Variants in BBX observed in about 807,000 individuals in gnomAD.
BBX encodes the protein HMG box transcription factor BBX.
BBX carries 30 observed loss-of-function variants against 100.2 expected under a neutral mutation model. The observed-to-expected ratio is 0.30, with a 90% CI of 0.22 to 0.41. The LOEUF (loss-of-function observed/expected upper bound fraction) is 0.41. BBX is among the 10% of genes least tolerant of loss of function. The probability of loss-of-function intolerance (pLI) is 1.00; values close to 1 mark genes in which losing one functional copy is unlikely to be tolerated. For missense variants in BBX, 1,023 were observed against 1,129.8 expected (o/e 0.91, Z 1.35); for synonymous variants, 376 against 388.1 (o/e 0.97, Z 0.37).
chr3:107,801,109 G>A lies in BBX; in HGVS notation c.2566G>A (p.Glu856Lys). Residue 856 changes from glutamate (E) to lysine (K), a missense_variant, in exon 17 of 18, where the codon GAA (glutamate) becomes AAA (lysine). Transcript: ENST00000325805. Reference protein sequence around the residue: ...AGGTLDDKPKEQLQRSLPKAT... With the variant: ...AGGTLDDKPKKQLQRSLPKAT... ...TTTTGTTACAGATGACAAACCAAAG[G>A]AACAACTGCAGAGGAGTCTCCCTAA... The A allele has an allele frequency of 6.2e-7, 1 of 1,614,038 alleles. No homozygotes were observed. Among genetic ancestry groups the A allele is most frequent in the African/African-American group, 1.3e-5 (1 of 75,044 alleles).
chr3:107,783,128 C>G (rs1409217227), intron 13 of BBX, among the ~76,000 whole-genome samples: 1 of 151,860 alleles, frequency 6.6e-6, no homozygotes, highest in Non-Finnish European at 1.5e-5. Flanking sequence ...GACAAAATAC[C>G]CAACATATAC....
chr3:107,674,085 T>C (rs578143372), intron 3 of BBX, among the ~76,000 whole-genome samples: 9 of 152,300 alleles, frequency 5.9e-5, no homozygotes, highest in African/African-American at 2.2e-4. Context: ...ACACTTGTGA[T>C]GATACATTTT....
chr3:107,795,208 T>A (rs1003185657), intron 15 of BBX, among the ~76,000 whole-genome samples: 3 of 152,204 alleles, frequency 2.0e-5, no homozygotes, highest in Non-Finnish European at 2.9e-5. Context: ...ACTTTTTTCA[T>A]CTCATGTCCC....
intron 2 of BBX, chr3:107,638,412 C>G (rs914756554): frequency 5.3e-5 from 8 of 152,116 alleles, no homozygotes; most frequent in Non-Finnish European, 1.0e-4. Context: ...CCAAGGATAA[C>G]TGCTTTGTAA....
At chr3:107,573,156 C>A (rs191997165) in intron 2 of BBX, among the ~76,000 whole-genome samples, 2 of 152,250 alleles carry the variant, frequency 1.3e-5, no homozygotes, top group East Asian at 3.9e-4. Flanking sequence ...TAAAAAGAAT[C>A]AAACAAGCTA....
intron 10 of BBX, among the ~76,000 whole-genome samples, chr3:107,765,033 G>C (rs953461852): frequency 6.6e-6 from 1 of 152,140 alleles, no homozygotes; most frequent in East Asian, 1.9e-4. Flanking sequence ...AGGTCTTCCT[G>C]AATCTCATTT....
intron 3 of BBX, among the ~76,000 whole-genome samples, chr3:107,698,486 A>C (rs1009767148): frequency 6.6e-6 from 1 of 151,446 alleles, no homozygotes; most frequent in Non-Finnish European, 1.5e-5. Context: ...CCCCATCTCT[A>C]CTAAAAATAA....
At chr3:107,797,337 A>AATATATATAT (rs369837058) in intron 15 of BBX, among the ~76,000 whole-genome samples, 457 of 39,298 alleles carry the variant, frequency 0.012, 48 homozygotes, top group African/African-American at 0.022. Context: ...TTTTCTTCCA[A>AATATATATAT]ATATATATAT....
intron 2 of BBX, among the ~76,000 whole-genome samples, chr3:107,570,023 A>G (rs1399253636): frequency 6.6e-6 from 1 of 152,162 alleles, no homozygotes; most frequent in African/African-American, 2.4e-5. Flanking sequence ...GGGGTCCCGT[A>G]CAGATAGAAC....
chr3:107,635,489 A>G (rs575483355), intron 2 of BBX, among the ~76,000 whole-genome samples: 38 of 152,298 alleles, frequency 2.5e-4, no homozygotes, highest in African/African-American at 8.2e-4. Context: ...AGTTTTTAGT[A>G]TTTGTGTTGA....
In BBX at chr3:107,710,503, G is replaced by A. The variant is rs1462350534; in HGVS notation, c.43G>A (p.Glu15Lys). 2 of 1,613,832 alleles carry A rather than the reference G, an allele frequency of 1.2e-6. No homozygotes were observed. The highest frequency in any genetic ancestry group is 2.2e-5 in the South Asian group (2 of 91,064). ...AAATAAGGATCATTCAGCAGAAGGA[G>A]AAGGGGTTGGAAAACGACCAAAACG... ...NRNKDHSAEG[E>K]GVGKRPKRKC... is the part of the protein sequence containing the mutation. Residue 15 changes from glutamate (E) to lysine (K), a missense_variant, in exon 4 of 18, where the codon GAA becomes AAA. By Grantham distance (56) the Glu-to-Lys change is moderately conservative. Around this residue, in one of 9 missense-constraint regions of BBX, gnomAD observed 229 missense variants for 226.3 expected, o/e 1.01. Coordinates refer to ENST00000325805, the MANE Select transcript of BBX (RefSeq NM_001142568.3).
chr3:107,660,111 A>G (rs1218194557), intron 3 of BBX, among the ~76,000 whole-genome samples: 1 of 152,242 alleles, frequency 6.6e-6, no homozygotes, highest in African/African-American at 2.4e-5. Flanking sequence ...CTCTTTTATA[A>G]TTAGTAGAAA....
chr3:107,786,521 C>T (rs918481542), intron 13 of BBX, among the ~76,000 whole-genome samples: 8 of 152,056 alleles, frequency 5.3e-5, no homozygotes, highest in Admixed American at 1.3e-4. Context: ...TAATTTTCAA[C>T]AAGGGTGCCA....
At chr3:107,732,229 A>C (rs1227359202) in intron 6 of BBX, among the ~76,000 whole-genome samples, 1 of 151,842 alleles carries the variant, frequency 6.6e-6, no homozygotes, top group Non-Finnish European at 1.5e-5. Context: ...TGCTTTCTTT[A>C]TTTAGATACA....
chr3:107,736,422 CTT>C (rs1218214489), intron 7 of BBX, among the ~76,000 whole-genome samples: 1 of 146,120 alleles, frequency 6.8e-6, no homozygotes. Flanking sequence ...TGAATATCAC[CTT>C]TTTTTTTTTA....
intron 3 of BBX, among the ~76,000 whole-genome samples, chr3:107,697,417 G>A (rs2060696784): frequency 2.0e-5 from 3 of 151,832 alleles, no homozygotes; most frequent in Admixed American, 2.0e-4. Flanking sequence ...CCTTCTAACA[G>A]ACAGGACCCT....
chr3:107,742,997 C>G (rs1238776656), intron 7 of BBX, among the ~76,000 whole-genome samples: 1 of 152,138 alleles, frequency 6.6e-6, no homozygotes, highest in East Asian at 1.9e-4. Flanking sequence ...TAAATGGTCA[C>G]TATTTCTTGT....
At chr3:107,531,285 G>A (rs1236816028) in intron 2 of BBX, among the ~76,000 whole-genome samples, 1 of 152,150 alleles carries the variant, frequency 6.6e-6, no homozygotes, top group Non-Finnish European at 1.5e-5. Context: ...TGTAGTACAA[G>A]GAACAGAGGC....
rs185191440 is a variant in BBX at position 107,529,049 on chromosome 3, G to A, written c.-84+2651G>A. ...CTAAAAAAAGAACTTTTTGAAAACA[G>A]TTCCATTACAGATGTGCCTTTTTGC... On this transcript the variant is annotated intron_variant, in intron 2 of 17. Transcript: ENST00000325805. Among the ~76,000 whole-genome samples, 62 of 152,298 alleles carry A rather than the reference G, an allele frequency of 4.1e-4. 1 individual carries two copies. The highest frequency in any genetic ancestry group is 1.0e-4 in the Non-Finnish European group (7 of 68,012).
Sources: gnomAD v4.1 joint callset for allele counts (sites outside exome capture counted in the v4.1 genomes callset) on GRCh38, gnomAD v4.1.1 for gene constraint, gnomAD v4.1.1 regional missense constraint, MANE v1.5 for transcripts, NCBI Gene and HGNC (gene_info 2026-07-23, HGNC 2026-07-21) for gene names.